The following MYH14 variants were observed in gnomAD, a reference collection of about 807,000 sequenced individuals.
The protein encoded by MYH14 is myosin heavy chain 14.
MYH14 carries 123 observed loss-of-function variants against 255.5 expected under a neutral mutation model. The observed-to-expected ratio is 0.48, with a 90% confidence interval of 0.42 to 0.56. The LOEUF (loss-of-function observed/expected upper bound fraction) is 0.56. Among genes scored for constraint, MYH14 ranks in the 20% least tolerant of loss-of-function variants. The pLI is 0.00. For synonymous variants in MYH14, 1,095 were observed against 1,161.2 expected (o/e 0.94, Z 1.16); for missense variants, 2,423 against 2,802.3 (o/e 0.86, Z 3.06).
chr19:50,267,484 T>C (rs2035130943), intron 23 of MYH14, among the ~76,000 whole-genome samples: 1 of 152,084 alleles, frequency 6.6e-6, no homozygotes, highest in Admixed American at 6.5e-5. Flanking sequence ...AAACCCCGTC[T>C]CTACTAAAAA....
intron 13 of MYH14, 127 bp downstream of exon 13, chr19:50,249,266 C>G (rs1326006315): frequency 6.9e-6 from 8 of 1,156,800 alleles, no homozygotes; most frequent in Non-Finnish European, 9.6e-6. Flanking sequence ...CTCTGTTCCC[C>G]CCTCTCTCTG....
chr19:50,264,900 CA>C (rs2035025161), intron 22 of MYH14, among the ~76,000 whole-genome samples: 1 of 152,116 alleles, frequency 6.6e-6, no homozygotes, highest in Admixed American at 6.5e-5. Flanking sequence ...GGTGTTCCCC[CA>C]GGGGGAAATT....
chr19:50,301,617 T>C (rs775952770), intron 39 of MYH14, 44 bp from the exon 40 acceptor site: 2 of 1,542,462 alleles, frequency 1.3e-6, no homozygotes. Context: ...CCACCTTCCC[T>C]CTGAGACTCC....
At position 50,266,562 on chromosome 19, in the gene MYH14, GAAGGAAGGAAGGGAGGAAAA is replaced by G. The variant is rs776401463; in HGVS notation, c.2695-302_2695-283del. On this transcript the variant is annotated intron_variant, in intron 22 of 42. Coordinates refer to ENST00000642316, the MANE Select transcript of MYH14 (RefSeq NM_001145809.2). This position sits in a 1 kb window ranked among gnomAD's most constrained non-coding sequence, Gnocchi z 4.1. ...CGAGAGAGCAAGACTCTGTCGAAAG[GAAGGAAGGAAGGGAGGAAAA>G]AAGGAAGGAAGGAAGGACTGTTCCA... Among the ~76,000 whole-genome samples, 3 of 151,572 alleles carry G rather than the reference GAAGGAAGGAAGGGAGGAAAA, an allele frequency of 2.0e-5. No individual in the cohort carries two copies. The highest frequency in any genetic ancestry group is 2.9e-5 in the Non-Finnish European group (2 of 68,004).
rs573398346 is a variant in MYH14 at position 50,287,116 on chromosome 19, A to C, written c.4752+422A>C. On this transcript the variant is annotated intron_variant, in intron 34 of 42. Transcript: ENST00000642316. ...CTGGGTGACAGAGCGAGACTGTCTC[A>C]AAAAAAAAAGAGAACAAGAGGGGGA... is the stretch of plus-strand genomic sequence containing the variant. 2.9e-4 allele frequency among the ~76,000 whole-genome samples: 44 copies of C among 149,840 alleles called. No homozygotes were observed. In the South Asian group the frequency reaches 8.5e-3, roughly 29 times the overall value.
chr19:50,273,941 G>A (rs2035412087), intron 27 of MYH14, among the ~76,000 whole-genome samples: 1 of 152,054 alleles, frequency 6.6e-6, no homozygotes, highest in South Asian at 2.1e-4. Context: ...ACACATCTTT[G>A]AGTCTGACTT....
intron 10 of MYH14, among the ~76,000 whole-genome samples, chr19:50,232,593 CAAAAAAAAAAA>C (rs532232129): frequency 1.6e-5 from 1 of 63,696 alleles, no homozygotes; most frequent in African/African-American, 6.6e-5. Context: ...GACTCTGTCT[CAAAAAAAAAAA>C]AAAAAAAAAA....
intron 8 of MYH14, among the ~76,000 whole-genome samples, chr19:50,228,460 C>T (rs538983729): frequency 6.6e-6 from 1 of 152,252 alleles, no homozygotes; most frequent in South Asian, 2.1e-4. Flanking sequence ...GGGGTTTCTC[C>T]TAAGTCTGCT....
chr19:50,236,973 G>T (rs2033686713), intron 10 of MYH14, among the ~76,000 whole-genome samples: 1 of 151,994 alleles, frequency 6.6e-6, no homozygotes, highest in South Asian at 2.1e-4. Context: ...ACAGCCTCTG[G>T]CAACCACTCT....
At chr19:50,244,042 C>T (rs559227995) in intron 10 of MYH14, among the ~76,000 whole-genome samples, 200 bp from the exon 11 acceptor site, 14 of 151,466 alleles carry the variant, frequency 9.2e-5, no homozygotes, top group African/African-American at 3.4e-4. Flanking sequence ...CTCCTGGGCT[C>T]AAGTGATCCT....
At chr19:50,259,476 C>T (rs1417094233) in intron 19 of MYH14, among the ~76,000 whole-genome samples, 1 of 152,222 alleles carries the variant, frequency 6.6e-6, no homozygotes, top group Admixed American at 6.5e-5. Flanking sequence ...AGAAAGCACA[C>T]AGAGTCTATG....
chr19:50,276,044 C>T lies in MYH14; in HGVS notation c.3521C>T (p.Ala1174Val), dbSNP rs2035493761. Residue 1174 changes from alanine (A) to valine (V), a missense_variant, in exon 28 of 43, where the codon GCT becomes GTT. Physicochemically the swap from Ala to Val is moderately conservative, Grantham distance 64 (BLOSUM62 0). Transcript: ENST00000642316. The surrounding 1 kb of genome is among the most constrained non-coding windows in gnomAD (Gnocchi z 4.3). ...RAQLLKSLRE[A>V]QAALAEAQED... ...CAGCTGCTGAAATCCCTGCGGGAGG[C>T]TCAAGCAGCCCTGGCCGAGGCCCAG... is the stretch of plus-strand genomic sequence containing the variant. 2.5e-6 allele frequency: 4 copies of T among 1,612,634 alleles called. No individual in the cohort carries two copies. The highest frequency in any genetic ancestry group is 2.5e-6 in the Non-Finnish European group (3 of 1,179,668).
chr19:50,230,786 G>A lies in MYH14; in HGVS notation c.973+163G>A, dbSNP rs1173098352. On this transcript the variant is annotated intron_variant, in intron 9 of 42. Transcript: ENST00000642316. The surrounding 1 kb of genome is among the most constrained non-coding windows in gnomAD (Gnocchi z 4.7). ...GCCCCTGCTCTCGCTGCGTAGTGGC[G>A]TCTGTCGCACGGTGGGTTCTGCTGC... The A allele has an allele frequency of 6.3e-6, 4 of 631,624 alleles. No homozygotes were observed. The highest frequency in any genetic ancestry group is 1.1e-5 in the Non-Finnish European group (4 of 358,466). 39.1% of individuals were successfully genotyped at this position (631,624 alleles called of 1,614,324 possible). A position where few individuals can be genotyped will look rare whatever the true frequency, so the allele number is the denominator to read the frequency against.
chr19:50,272,755 G>T (rs1020647511), intron 27 of MYH14, 24 bp downstream of exon 27: 56 of 1,548,046 alleles, frequency 3.6e-5, no homozygotes, highest in Non-Finnish European at 4.6e-5. Flanking sequence ...TGGGCTTGGT[G>T]GGGTAAGCAG....
intron 41 of MYH14, chr19:50,308,744 CA>C (rs2036738278): frequency 6.7e-6 from 3 of 444,720 alleles, no homozygotes; most frequent in Non-Finnish European, 1.2e-5. Context: ...GGATTGTGAG[CA>C]GGAGGGTCTG....
chr19:50,217,819 G>C, intron 3 of MYH14, 48 bp downstream of exon 3: 1 of 1,594,882 alleles, frequency 6.3e-7, no homozygotes, highest in Non-Finnish European at 8.5e-7. Flanking sequence ...TCTTCAACGG[G>C]GGCCTGACCT....
chr19:50,233,918 C>T (rs530505434), intron 10 of MYH14, among the ~76,000 whole-genome samples: 9 of 151,062 alleles, frequency 6.0e-5, no homozygotes, highest in South Asian at 4.2e-4. Flanking sequence ...CGGGTTCAAG[C>T]GATTCTCCTG....
intron 10 of MYH14, among the ~76,000 whole-genome samples, chr19:50,233,866 G>A (rs1185226662): frequency 7.3e-6 from 1 of 137,142 alleles, no homozygotes; most frequent in Admixed American, 8.7e-5. Context: ...TCTTGCTGGA[G>A]TGCAAGTGGT....
At chr19:50,215,139 C>T (rs1452806927) in intron 2 of MYH14, among the ~76,000 whole-genome samples, 8 of 152,200 alleles carry the variant, frequency 5.3e-5, no homozygotes, top group African/African-American at 1.9e-4. Flanking sequence ...TTCTTCCCCC[C>T]AGCCTTGTTG....
Sources: gnomAD v4.1 joint callset for allele counts (sites outside exome capture counted in the v4.1 genomes callset) on GRCh38, gnomAD v4.1.1 for gene constraint, Gnocchi (gnomAD v3.1) non-coding constraint, MANE v1.5 for transcripts, NCBI Gene and HGNC (gene_info 2026-07-23, HGNC 2026-07-21) for gene names.